Variants in SEL1L observed in about 807,000 individuals in gnomAD.
SEL1L encodes the protein protein sel-1 homolog 1.
SEL1L carries 52 observed loss-of-function variants against 109.8 expected under a neutral mutation model. That is an observed-to-expected ratio of 0.47 (90% CI 0.38 to 0.60). The LOEUF is 0.60. Among genes scored for constraint, SEL1L ranks in the 20% least tolerant of loss-of-function variants. The pLI is 0.00. For synonymous variants in SEL1L, 373 were observed against 339.6 expected (o/e 1.10, Z -1.08); for missense variants, 749 against 962.2 (o/e 0.78, Z 2.93).
At chr14:81,532,386 T>C (rs1003921220) in intron 1 of SEL1L, among the ~76,000 whole-genome samples, 1 of 152,324 alleles carries the variant, frequency 6.6e-6, no homozygotes, top group Admixed American at 6.5e-5. Flanking sequence ...GGTACTCTAC[T>C]CATTAAGCTC....
At chr14:81,532,881 G>A (rs1293735477) in intron 1 of SEL1L, among the ~76,000 whole-genome samples, 4 of 151,970 alleles carry the variant, frequency 2.6e-5, no homozygotes, top group Non-Finnish European at 5.9e-5. Flanking sequence ...TTAGAAACAC[G>A]AAGTTTTCAT....
At chr14:81,486,482 A>G in intron 16 of SEL1L, 28 bp from the exon 17 acceptor site, 1 of 1,606,966 alleles carries the variant, frequency 6.2e-7, no homozygotes, top group Non-Finnish European at 8.5e-7. Context: ...AAAAAATATC[A>G]GTAGAAGAAA....
At chr14:81,489,224 A>C (rs374775076) in intron 14 of SEL1L, 28 bp downstream of exon 14, 96 of 1,600,506 alleles carry the variant, frequency 6.0e-5, no homozygotes, top group Middle Eastern at 1.7e-4. Context: ...CTGCTCATTA[A>C]AGAGAGAATG....
intron 3 of SEL1L, among the ~76,000 whole-genome samples, chr14:81,523,548 T>C (rs913790785): frequency 2.6e-5 from 4 of 152,218 alleles, no homozygotes; most frequent in Non-Finnish European, 5.9e-5. Flanking sequence ...CCATTTATCA[T>C]GCTTCCCAGA....
chr14:81,527,136 C>T (rs574206631), intron 2 of SEL1L, among the ~76,000 whole-genome samples, 172 bp from the exon 3 acceptor site: 1 of 152,292 alleles, frequency 6.6e-6, no homozygotes, highest in Non-Finnish European at 1.5e-5. Flanking sequence ...TCCTTCATCA[C>T]CTAACTTGTA....
At chr14:81,516,519 G>A (rs1435333772) in intron 3 of SEL1L, among the ~76,000 whole-genome samples, 1 of 152,136 alleles carries the variant, frequency 6.6e-6, no homozygotes, top group African/African-American at 2.4e-5. Flanking sequence ...CCCATTTGTT[G>A]TCCCCTGCTT....
intron 3 of SEL1L, among the ~76,000 whole-genome samples, chr14:81,507,396 G>C (rs1884282165): frequency 6.6e-6 from 1 of 152,044 alleles, no homozygotes; most frequent in African/African-American, 2.4e-5. Context: ...TTCTAAGGAG[G>C]TAGATATGGT....
Position 81,523,984 on chromosome 14 carries a change from C to T in SEL1L, c.340+2749G>A, listed in dbSNP as rs988198969. On this transcript the variant is annotated intron_variant, in intron 3 of 20. Transcript: ENST00000336735. Reference sequence around the variant, plus strand: ...CAAAAACATACTCATTAGTCTCTTTCAGAGATTGCTTGGGCACCAAATTTT... The same window carrying T: ...CAAAAACATACTCATTAGTCTCTTTTAGAGATTGCTTGGGCACCAAATTTT... 2.2e-4 allele frequency among the ~76,000 whole-genome samples: 34 copies of T among 152,216 alleles called. 1 individual carries two copies. The highest frequency in any genetic ancestry group is 3.2e-3 in the Middle Eastern group (1 of 316).
intron 3 of SEL1L, among the ~76,000 whole-genome samples, chr14:81,518,101 C>T (rs1242194030): frequency 2.6e-5 from 4 of 151,730 alleles, no homozygotes; most frequent in Non-Finnish European, 4.4e-5. Flanking sequence ...CAATATTGGC[C>T]AGGCTGGTCT....
At chr14:81,532,536 G>T (rs569858716) in intron 1 of SEL1L, among the ~76,000 whole-genome samples, 1 of 152,316 alleles carries the variant, frequency 6.6e-6, no homozygotes, top group Admixed American at 6.5e-5. Flanking sequence ...CTGAAAGAAT[G>T]ATGTTGGCAG....
rs772168583 is a variant in SEL1L at position 81,476,744 on chromosome 14, T to C, written c.*228A>G. 2 of 498,394 alleles carry C rather than the reference T, an allele frequency of 4.0e-6. No individual in the cohort carries two copies. Among genetic ancestry groups the C allele is most frequent in the Non-Finnish European group, 7.1e-6 (2 of 280,316 alleles). 30.9% of individuals were successfully genotyped at this position (498,394 alleles called of 1,614,324 possible). On this transcript the variant is annotated 3_prime_UTR_variant, in exon 21 of 21. Transcript: ENST00000336735. ...AAGAAAAAAAAAAGCCACTGAAAGT[T>C]GTTATTCCATATGGCACTGAAACAA... is the stretch of plus-strand genomic sequence containing the variant.
At position 81,499,468 on chromosome 14, in the gene SEL1L, G is replaced by A. The variant is rs1056485919; in HGVS notation, c.882C>T (p.His294=). 6 of 1,611,058 alleles carry A rather than the reference G, an allele frequency of 3.7e-6. No homozygotes were observed. In the Admixed American group the frequency reaches 8.4e-5, roughly 23 times the overall value. ...FGALGGNLIA[H]MVLGYRYWAG... is the part of the protein sequence containing the mutation. ...ACTAAAGTCTACTTACCAAAACCAT[G>A]TGGGCTATTAGATTGCCCCCAAGAG... is the stretch of plus-strand genomic sequence containing the variant. Residue 294 remains histidine, a synonymous_variant, in exon 8 of 21, where the codon CAC becomes CAT. Transcript: ENST00000336735.
intron 19 of SEL1L, 141 bp from the exon 20 acceptor site, chr14:81,479,881 C>T (rs1903292912): frequency 6.6e-6 from 5 of 759,814 alleles, no homozygotes; most frequent in Middle Eastern, 7.3e-4. Flanking sequence ...AAATGCCAAG[C>T]TTTACTTGGG....
At chr14:81,499,078 T>C (rs937619425) in intron 8 of SEL1L, 15 of 902,592 alleles carry the variant, frequency 1.7e-5, no homozygotes, top group Non-Finnish European at 1.9e-5. Context: ...ATATTTCATG[T>C]TGTTTTTCTA....
Position 81,478,122 on chromosome 14 carries a change from T to C in SEL1L, c.2176-941A>G, listed in dbSNP as rs913586758. ...TATCACTGATACTTTCTGACTTTTA[T>C]TATACTTACCCATTAAGAAAGTAAA... On this transcript the variant is annotated intron_variant, in intron 20 of 20. Transcript: ENST00000336735. Among the ~76,000 whole-genome samples the C allele has an allele frequency of 4.5e-4, 69 of 152,340 alleles. 1 individual carries two copies. The highest frequency in any genetic ancestry group is 1.6e-3 in the African/African-American group (68 of 41,574).
chr14:81,496,407 A>G (rs1253168891), intron 10 of SEL1L, among the ~76,000 whole-genome samples: 1 of 152,210 alleles, frequency 6.6e-6, no homozygotes, highest in Non-Finnish European at 1.5e-5. Flanking sequence ...TGCTCTTCAG[A>G]AAAAAGGAAA....
chr14:81,493,765 A>G (rs1883636222), intron 11 of SEL1L, among the ~76,000 whole-genome samples: 2 of 152,162 alleles, frequency 1.3e-5, no homozygotes, highest in Admixed American at 6.5e-5. Context: ...CATACTGCCA[A>G]TCTAAATTTC....
rs571730433 is a variant in SEL1L, at chr14:81,522,032, A to T, written c.340+4701T>A. Among the ~76,000 whole-genome samples the T allele has an allele frequency of 2.1e-3, 327 of 152,320 alleles. 2 individuals carry two copies. The Middle Eastern group carries it at 0.037, about 17-fold the overall frequency. ...CGTTTAAAAAGTTAAAAAAAAATTTAAAAATAGAAAACAGCTTATAGAATA... is the reference window on the plus strand; with the variant it reads ...CGTTTAAAAAGTTAAAAAAAAATTTTAAAATAGAAAACAGCTTATAGAATA... On this transcript the variant is annotated intron_variant, in intron 3 of 20. Coordinates refer to ENST00000336735, the MANE Select transcript of SEL1L (RefSeq NM_005065.6).
intron 3 of SEL1L, among the ~76,000 whole-genome samples, chr14:81,507,317 C>T (rs1020871703): frequency 6.6e-6 from 1 of 152,032 alleles, no homozygotes; most frequent in African/African-American, 2.4e-5. Context: ...AGGTTGTTAA[C>T]AGTCATCTGA....
Sources: allele counts gnomAD v4.1 joint callset (sites outside exome capture counted in the v4.1 genomes callset), GRCh38; gene constraint gnomAD v4.1.1; transcripts MANE v1.5; gene names NCBI Gene and HGNC (gene_info 2026-07-23, HGNC 2026-07-21).